The following TTN variants were observed in gnomAD, a reference collection of about 807,000 sequenced individuals.
TTN encodes the protein connectin.
A neutral mutation model predicts 3,223.0 loss-of-function variants in TTN; 1,525 were observed. That is an observed-to-expected ratio of 0.47 (90% CI 0.45 to 0.49). TTN has a LOEUF of 0.49. Ranked by LOEUF, TTN falls within the 20% of genes least tolerant of loss-of-function variation. The probability of loss-of-function intolerance (pLI) is 0.00; values close to 1 mark genes in which losing one functional copy is unlikely to be tolerated. For synonymous variants in TTN, 14,094 were observed against 15,161.0 expected (o/e 0.93, Z 5.17); for missense variants, 40,786 against 43,424.0 (o/e 0.94, Z 5.40).
chr2:178,694,538 C>A, intron 117 of TTN, 61 bp downstream of exon 117: 1 of 1,217,306 alleles, frequency 8.2e-7, no homozygotes, highest in Non-Finnish European at 1.2e-6. Context: ...TATATGTACA[C>A]ATGTCCATAC....
In TTN at chr2:178,775,898, T is replaced by G; in HGVS notation, c.5966A>C (p.Lys1989Thr). ...LKRAERITHEKVPEESEELRS... is the reference protein window; with the variant it reads ...LKRAERITHETVPEESEELRS... ...CAGCTCTTCCGACTCTTCAGGCACT[T>G]TTTCATGGGTAATTCTTTCAGCCCT... is the stretch of plus-strand genomic sequence containing the variant. Residue 1989 changes from lysine (K) to threonine (T), a missense_variant, in exon 28 of 363, where the codon AAA becomes ACA. Lys to Thr is a moderately conservative substitution (Grantham distance 78). Coordinates refer to ENST00000589042, the MANE Select transcript of TTN (RefSeq NM_001267550.2). 6.2e-7 allele frequency: 1 copy of G among 1,614,136 alleles called. No homozygotes were observed. The highest frequency in any genetic ancestry group is 8.5e-7 in the Non-Finnish European group (1 of 1,179,998).
Position 178,616,546 on chromosome 2 carries a change from T to C in TTN, c.48245A>G (p.Asp16082Gly), listed in dbSNP as rs1468269495. The C allele has an allele frequency of 1.2e-6, 2 of 1,612,438 alleles. No individual in the cohort carries two copies. Among genetic ancestry groups the C allele is most frequent in the Admixed American group, 3.3e-5 (2 of 59,914 alleles). ...VHLTWEPPDD[D>G]GGSPLTGYVV... Reference sequence around the variant, plus strand: ...GTATCCAGTTAACGGACTTCCTCCATCATCATCAGGTGGTTCCCAAGTCAA... The same window carrying C: ...GTATCCAGTTAACGGACTTCCTCCACCATCATCAGGTGGTTCCCAAGTCAA... The change falls in exon 257 of 363, where the codon GAT becomes GGT. Residue 16082 changes from aspartate to glycine, a missense_variant. Transcript: ENST00000589042.
At chr2:178,674,278 G>A (rs768750255) in intron 151 of TTN, 36 bp downstream of exon 151, 15 of 1,253,708 alleles carry the variant, frequency 1.2e-5, no homozygotes, top group Admixed American at 1.9e-5. Flanking sequence ...GGAACACCAG[G>A]AATTTTAAAT....
rs559590585 is a variant in TTN, at chr2:178,608,330, C to T, written c.52553G>A (p.Arg17518His). The T allele has an allele frequency of 1.7e-5, 27 of 1,612,324 alleles. No homozygotes were observed. Among genetic ancestry groups the T allele is most frequent in the Admixed American group, 6.7e-5 (4 of 59,902 alleles). The change falls in exon 275 of 363, where the codon CGT becomes CAT. Residue 17518 changes from arginine (R) to histidine (H), a missense_variant. Transcript: ENST00000589042. The stretch of plus-strand genomic sequence containing the variant: ...GGCATTCAGAAGGCTTTTGTTGACA[C>T]GAGACCAATGTGTACTGTTAACTTC... Reference protein sequence around the residue: ...KREVNSTHWSRVNKSLLNALK... With the variant: ...KREVNSTHWSHVNKSLLNALK...
chr2:178,693,426 C>G (rs899386689), intron 119 of TTN, among the ~76,000 whole-genome samples, 183 bp downstream of exon 119: 1 of 152,050 alleles, frequency 6.6e-6, no homozygotes, highest in Non-Finnish European at 1.5e-5. Context: ...ATAATTTTCA[C>G]TTTTTTCCCC....
chr2:178,712,331 T>G lies in TTN; in HGVS notation c.27591A>C (p.Ala9197=). Residue 9197 remains alanine, a synonymous_variant, in exon 95 of 363, where the codon GCA becomes GCC. Transcript: ENST00000589042. ...ATGACAAACCTAGTATGAGTATTTG[T>G]GCTGAACAGGAATCTTTTCCAGAGG... ...ENASGKDSCS[A]QILILEPPYF... 6.2e-7 allele frequency: 1 copy of G among 1,613,638 alleles called. No individual in the cohort carries two copies. The highest frequency in any genetic ancestry group is 8.5e-7 in the Non-Finnish European group (1 of 1,179,642).
rs372268675 is a variant in TTN at position 178,600,834 on chromosome 2, G to A, written c.56050+20C>T. 68 of 1,612,542 alleles carry A rather than the reference G, an allele frequency of 4.2e-5. No individual in the cohort carries two copies. In the African/African-American group the frequency reaches 6.8e-4, roughly 16 times the overall value. ...GGCAGCTGTAAGGAGGACATTCTTT[G>A]TCAGTACATTGGTACTTACATGTCT... On this transcript the variant is annotated intron_variant, in intron 288 of 362. Coordinates refer to ENST00000589042, the MANE Select transcript of TTN (RefSeq NM_001267550.2).
intron 95 of TTN, 38 bp from the exon 96 acceptor site, chr2:178,712,260 G>A: frequency 6.2e-7 from 1 of 1,609,022 alleles, no homozygotes. Context: ...TCATGAAGGA[G>A]ACATGCCAGA....
chr2:178,557,119 A>G lies in TTN; in HGVS notation c.88035T>C (p.Thr29345=). ...ACEPPRNVRI[T]DISKNSVSLS... is the part of the protein sequence containing the mutation. Reference sequence around the variant, plus strand: ...GGCTGACAGAGTTCTTTGAAATATCAGTGATACGAACATTTCTTGGGGGTT... The same window carrying G: ...GGCTGACAGAGTTCTTTGAAATATCGGTGATACGAACATTTCTTGGGGGTT... The change falls in exon 330 of 363, where the codon ACT becomes ACC. Residue 29345 remains threonine, a synonymous_variant. Transcript: ENST00000589042. 6.2e-7 allele frequency: 1 copy of G among 1,613,632 alleles called. No homozygotes were observed. The highest frequency in any genetic ancestry group is 8.5e-7 in the Non-Finnish European group (1 of 1,179,744).
intron 102 of TTN, 24 bp from the exon 103 acceptor site, chr2:178,705,381 G>T: frequency 2.7e-6 from 4 of 1,475,384 alleles, no homozygotes; most frequent in Non-Finnish European, 3.6e-6. Context: ...AAAAAGTAAG[G>T]ATAAAACACC....
At chr2:178,684,797 C>T (rs1427123183) in intron 130 of TTN, 48 bp from the exon 131 acceptor site, 3 of 1,580,978 alleles carry the variant, frequency 1.9e-6, no homozygotes, top group Admixed American at 1.8e-5. Context: ...ATGGAAAACA[C>T]TAAACACAGG....
At chr2:178,596,991 A>G (rs976642846) in intron 294 of TTN, among the ~76,000 whole-genome samples, 1 of 152,104 alleles carries the variant, frequency 6.6e-6, no homozygotes, top group Non-Finnish European at 1.5e-5. Flanking sequence ...AGGTTTTTGC[A>G]TTATTATGAT....
chr2:178,564,760 C>T lies in TTN; in HGVS notation c.81372G>A (p.Lys27124=). The T allele has an allele frequency of 1.9e-6, 3 of 1,612,160 alleles. No individual in the cohort carries two copies. The highest frequency in any genetic ancestry group is 2.5e-6 in the Non-Finnish European group (3 of 1,179,010). The change falls in exon 326 of 363, where the codon AAG becomes AAA. Residue 27124 remains lysine (K), a synonymous_variant. Coordinates refer to ENST00000589042, the MANE Select transcript of TTN (RefSeq NM_001267550.2). ...TGAATTTGGTGTCCTGAATGGGGGT[C>T]TTATTTAACTTGACCCATAAAATAC... ...KNSILWVKLN[K]TPIQDTKFKT...
At chr2:178,644,733 C>T in intron 217 of TTN, 117 bp from the exon 218 acceptor site, 1 of 676,430 alleles carries the variant, frequency 1.5e-6, no homozygotes, top group Non-Finnish European at 2.3e-6. Flanking sequence ...GCATTAATAA[C>T]AGCCAAGAAC....
chr2:178,577,572 A>C (rs201291938), intron 323 of TTN, 30 bp downstream of exon 323: 153 of 1,554,622 alleles, frequency 9.8e-5, no homozygotes, highest in Middle Eastern at 8.7e-4. Flanking sequence ...CTTTAAAAAA[A>C]AAAGTACATA....
At position 178,605,259 on chromosome 2, in the gene TTN, C is replaced by G. The variant is rs2054500597; in HGVS notation, c.53918G>C (p.Gly17973Ala). 1.2e-6 allele frequency: 2 copies of G among 1,601,882 alleles called. No homozygotes were observed. Among genetic ancestry groups the G allele is most frequent in the African/African-American group, 2.7e-5 (2 of 74,366 alleles). ...PTIKLRLSVR[G>A]DTIKVKAGEP... ...TCCTGCCTTAACTTTGATAGTGTCT[C>G]CTCGAACACTCAGACGCAACTTAAT... The change falls in exon 280 of 363, where the codon GGA becomes GCA. Residue 17973 changes from glycine (G) to alanine (A), a missense_variant. Transcript: ENST00000589042.
At position 178,590,192 on chromosome 2, in the gene TTN, A is replaced by G. The variant is rs1396517085; in HGVS notation, c.61533T>C (p.Thr20511=). ...KGRPEPDITW[T]KEGKVLVREK... ...CTCGGACCAATACTTTGCCTTCCTT[A>G]GTCCAAGTTATGTCTGGTTCAGGTC... is the stretch of plus-strand genomic sequence containing the variant. Residue 20511 remains threonine (T), a synonymous_variant, in exon 304 of 363, where the codon ACT becomes ACC. Transcript: ENST00000589042. 1 of 1,610,054 alleles carries G rather than the reference A, an allele frequency of 6.2e-7. No individual in the cohort carries two copies. The highest frequency in any genetic ancestry group is 8.5e-7 in the Non-Finnish European group (1 of 1,178,136).
chr2:178,731,000 CT>C lies in TTN; in HGVS notation c.17664del (p.Asp5889IlefsTer25), dbSNP rs780768926. Reference protein sequence around the residue: ...SILKIISTEKKDSGEYTFEVQ... With the variant: ...SILKIISTEKXDSGEYTFEVQ... ...ACCTCGAAAGTATATTCTCCACTAT[CT>C]TTCTTTTCTGTAGAAATAATCTTCA... is the stretch of plus-strand genomic sequence containing the variant. On this transcript the variant is annotated frameshift_variant, in exon 60 of 363. Coordinates refer to ENST00000589042, the MANE Select transcript of TTN (RefSeq NM_001267550.2). LOFTEE classifies it high-confidence loss of function. 1 of 1,613,580 alleles carries C rather than the reference CT, an allele frequency of 6.2e-7. No homozygotes were observed. Among genetic ancestry groups the C allele is most frequent in the Middle Eastern group, 1.7e-4 (1 of 6,054 alleles).
chr2:178,611,191 C>T lies in TTN; in HGVS notation c.50938G>A (p.Ala16980Thr). Reference protein sequence around the residue: ...EKLSIPVPFRAVPVPTVSWHK... With the variant: ...EKLSIPVPFRTVPVPTVSWHK... ...CAACTAACAGTTGGAACTGGGACAG[C>T]TCTGAAGGGAACAGGAATGCTTAAC... is the stretch of plus-strand genomic sequence containing the variant. Residue 16980 changes from alanine to threonine, a missense_variant, in exon 270 of 363, where the codon GCT becomes ACT. Ala to Thr is a moderately conservative substitution (Grantham distance 58). Transcript: ENST00000589042. The T allele has an allele frequency of 1.2e-6, 2 of 1,612,754 alleles. No homozygotes were observed. The highest frequency in any genetic ancestry group is 1.7e-6 in the Non-Finnish European group (2 of 1,179,272).
Sources: allele counts gnomAD v4.1 joint callset (sites outside exome capture counted in the v4.1 genomes callset), GRCh38; gene constraint gnomAD v4.1.1; transcripts MANE v1.5; gene names NCBI Gene and HGNC (gene_info 2026-07-23, HGNC 2026-07-21).